SLC23A2: variants seen among roughly 807,000 people sequenced by gnomAD.
SLC23A2 encodes Na(+)/L-ascorbic acid transporter 2.
Under a neutral mutation model 73.3 loss-of-function variants are expected in SLC23A2, and 36 were observed. That is an observed-to-expected ratio of 0.49 (90% CI 0.38 to 0.65). The LOEUF is 0.65. SLC23A2 is among the 30% of genes least tolerant of loss of function. The probability of loss-of-function intolerance (pLI) is 0.00; values close to 1 mark genes in which losing one functional copy is unlikely to be tolerated. For missense variants in SLC23A2, 507 were observed against 841.6 expected (o/e 0.60, Z 4.92); for synonymous variants, 343 against 327.3 (o/e 1.05, Z -0.52).
At chr20:4,923,924 T>G (rs184297852) in intron 3 of SLC23A2, among the ~76,000 whole-genome samples, 1 of 152,308 alleles carries the variant, frequency 6.6e-6, no homozygotes, top group African/African-American at 2.4e-5. Context: ...ATTAAATGGT[T>G]TCTTCACTGT....
chr20:4,971,517 A>G (rs2122223885), intron 1 of SLC23A2, among the ~76,000 whole-genome samples: 1 of 151,322 alleles, frequency 6.6e-6, no homozygotes, highest in South Asian at 2.1e-4. Flanking sequence ...ATTTTGGGCC[A>G]GGCACGGTGG....
At chr20:4,912,126 T>A (rs1600126021) in intron 4 of SLC23A2, among the ~76,000 whole-genome samples, 1 of 151,772 alleles carries the variant, frequency 6.6e-6, no homozygotes, top group Non-Finnish European at 1.5e-5. Flanking sequence ...ATTATAGGTG[T>A]GAGCCACTGA....
chr20:4,858,954 C>T (rs184446805), intron 16 of SLC23A2, among the ~76,000 whole-genome samples: 2 of 152,296 alleles, frequency 1.3e-5, no homozygotes, highest in East Asian at 3.9e-4. Flanking sequence ...TCAGATGAAA[C>T]CCACACTGCA....
intron 1 of SLC23A2, among the ~76,000 whole-genome samples, 168 bp downstream of exon 1, chr20:5,001,238 C>A (rs1254320578): frequency 1.6e-4 from 22 of 140,202 alleles, no homozygotes; most frequent in Admixed American, 4.9e-4. Flanking sequence ...CGCGGGGTCC[C>A]GGGAGATGGG....
intron 5 of SLC23A2, among the ~76,000 whole-genome samples, chr20:4,900,551 A>G (rs1026927184): frequency 6.6e-6 from 1 of 152,160 alleles, no homozygotes; most frequent in African/African-American, 2.4e-5. Flanking sequence ...AAGTTCTTTC[A>G]TGTCTGGGGA....
intron 2 of SLC23A2, among the ~76,000 whole-genome samples, chr20:4,959,926 G>T (rs892124473): frequency 6.6e-6 from 1 of 151,954 alleles, no homozygotes; most frequent in Non-Finnish European, 1.5e-5. Flanking sequence ...GAGAACTACA[G>T]ATGTGTACTG....
intron 1 of SLC23A2, among the ~76,000 whole-genome samples, chr20:4,989,185 G>A (rs1413846771): frequency 6.7e-6 from 1 of 149,938 alleles, no homozygotes; most frequent in Non-Finnish European, 1.5e-5. Context: ...CTTGCAATGA[G>A]CCGAGATCGC....
At chr20:4,951,087 A>G (rs569239684) in intron 2 of SLC23A2, among the ~76,000 whole-genome samples, 1 of 152,360 alleles carries the variant, frequency 6.6e-6, no homozygotes, top group East Asian at 1.9e-4. Context: ...AGGGGAGCCA[A>G]GAACGGTATT....
rs377039580 is a variant in SLC23A2 at position 4,875,487 on chromosome 20, C to T, written c.825-791G>A. Among the ~76,000 whole-genome samples the T allele has an allele frequency of 1.1e-4, 16 of 152,294 alleles. No homozygotes were observed. In the East Asian group the frequency reaches 2.5e-3, roughly 24 times the overall value. On this transcript the variant is annotated intron_variant, in intron 9 of 16. Coordinates refer to ENST00000338244, the MANE Select transcript of SLC23A2 (RefSeq NM_005116.6). Reference sequence around the variant, plus strand: ...GGGGACCAGGAATCTAGCTCTATGGCTTGAACTGAACTCTTTCCTTTTGCC... The same window carrying T: ...GGGGACCAGGAATCTAGCTCTATGGTTTGAACTGAACTCTTTCCTTTTGCC...
rs201928924 is a variant in SLC23A2, at chr20:4,902,563, G to A, written c.208-5C>T. 487 of 1,538,714 alleles carry A rather than the reference G, an allele frequency of 3.2e-4. No individual in the cohort carries two copies. Among genetic ancestry groups the A allele is most frequent in the African/African-American group, 7.3e-4 (53 of 72,952 alleles). ...CAGGGTCTCAGCGAGAGAGCTCTGC[G>A]AGCCAGAAGGAGAAAAGAAGGTGCT... On this transcript the variant is annotated splice_region_variant and splice_polypyrimidine_tract_variant and intron_variant, in intron 4 of 16. Transcript: ENST00000338244. The surrounding 1 kb of genome is among the most constrained non-coding windows in gnomAD (Gnocchi z 4.0).
At chr20:4,999,468 T>TA (rs2088081096) in intron 1 of SLC23A2, among the ~76,000 whole-genome samples, 1 of 152,062 alleles carries the variant, frequency 6.6e-6, no homozygotes, top group African/African-American at 2.4e-5. Context: ...ATCAATGAGA[T>TA]AGATAGTATG....
chr20:4,906,162 A>G (rs1227240501), intron 4 of SLC23A2, among the ~76,000 whole-genome samples: 1 of 152,140 alleles, frequency 6.6e-6, no homozygotes, highest in African/African-American at 2.4e-5. Context: ...ACAGACAGAG[A>G]CCCTGTCTCC....
intron 2 of SLC23A2, among the ~76,000 whole-genome samples, chr20:4,970,374 G>A (rs1052290845): frequency 2.0e-5 from 3 of 152,060 alleles, no homozygotes; most frequent in Non-Finnish European, 4.4e-5. Flanking sequence ...CGTAAAAAAC[G>A]TACAAAGGTA....
intron 4 of SLC23A2, among the ~76,000 whole-genome samples, chr20:4,910,422 C>A (rs974200735): frequency 2.1e-4 from 31 of 151,046 alleles, no homozygotes; most frequent in Non-Finnish European, 2.5e-4. Flanking sequence ...GGCTTAATGA[C>A]TAGCATTTTA....
chr20:4,912,999 G>C (rs1023231582), intron 3 of SLC23A2, 21 bp from the exon 4 acceptor site: 13 of 1,540,514 alleles, frequency 8.4e-6, no homozygotes, highest in Non-Finnish European at 1.2e-5. Flanking sequence ...AATCCACTTA[G>C]AGGCTGTTTC....
intron 9 of SLC23A2, among the ~76,000 whole-genome samples, chr20:4,882,814 T>C (rs1017804749): frequency 2.6e-5 from 4 of 152,354 alleles, no homozygotes; most frequent in Admixed American, 1.3e-4. Flanking sequence ...CTGCAGACTA[T>C]TTCACAAAAC....
chr20:4,889,255 C>T (rs142754147), intron 6 of SLC23A2, among the ~76,000 whole-genome samples: 11 of 152,076 alleles, frequency 7.2e-5, no homozygotes, highest in South Asian at 2.1e-4. Context: ...ATGGGTATTC[C>T]GGGCAGAGAG....
At chr20:4,905,033 G>C (rs1931885326) in intron 4 of SLC23A2, among the ~76,000 whole-genome samples, 2 of 145,360 alleles carry the variant, frequency 1.4e-5, no homozygotes, top group African/African-American at 5.1e-5. Context: ...AGAATTGCTT[G>C]AACCTAGGAG....
chr20:4,954,764 T>C (rs1193158163), intron 2 of SLC23A2, among the ~76,000 whole-genome samples: 1 of 150,032 alleles, frequency 6.7e-6, no homozygotes, highest in Non-Finnish European at 1.5e-5. Flanking sequence ...TCAGTGTCAA[T>C]TTTTGAATAA....
Sources: gnomAD v4.1 joint callset for allele counts (sites outside exome capture counted in the v4.1 genomes callset) on GRCh38, gnomAD v4.1.1 for gene constraint, Gnocchi (gnomAD v3.1) non-coding constraint, MANE v1.5 for transcripts, NCBI Gene and HGNC (gene_info 2026-07-23, HGNC 2026-07-21) for gene names.